The following PACS2 variants were observed in gnomAD, a reference collection of about 807,000 sequenced individuals.
PACS2 encodes PACS1-like protein.
A neutral mutation model predicts 113.0 loss-of-function variants in PACS2; 36 were observed. The ratio of observed to expected loss-of-function variants is 0.32; its 90% CI spans 0.24 to 0.42. PACS2 has a LOEUF of 0.42. Ranked by LOEUF, PACS2 falls within the 10% of genes least tolerant of loss-of-function variation. The pLI is 1.00. For missense variants in PACS2, 1,015 were observed against 1,239.5 expected (o/e 0.82, Z 2.72); for synonymous variants, 589 against 536.1 (o/e 1.10, Z -1.36).
rs1555415818 is a variant in PACS2, at chr14:105,394,056, A to AG, written c.2597-494dup. ...CCGCCTCAAAAAAAAAAAAAAAAAA[A>AG]GGGGTTTTGGAGAAGATACTCTGCA... On this transcript the variant is annotated intron_variant, in intron 24 of 24. Coordinates refer to ENST00000447393, the MANE Select transcript of PACS2 (RefSeq NM_001100913.3). Among the ~76,000 whole-genome samples the AG allele has an allele frequency of 1.7e-3, 246 of 144,692 alleles. 5 individuals carry two copies. Among genetic ancestry groups the AG allele is most frequent in the African/African-American group, 6.1e-3 (232 of 38,140 alleles). The allele number at this position is 144,692 out of a possible 152,430, so 94.9% of individuals were successfully genotyped here. A position where few individuals can be genotyped will look rare whatever the true frequency, so the allele number is the denominator to read the frequency against.
intron 4 of PACS2, among the ~76,000 whole-genome samples, chr14:105,362,157 G>A (rs957209284): frequency 6.6e-5 from 10 of 151,586 alleles, no homozygotes; most frequent in Non-Finnish European, 8.8e-5. Flanking sequence ...GGTGGCTCAC[G>A]CCTGTCATCC....
chr14:105,333,212 A>G (rs1050068518), intron 1 of PACS2, among the ~76,000 whole-genome samples: 1 of 152,026 alleles, frequency 6.6e-6, no homozygotes, highest in Non-Finnish European at 1.5e-5. Context: ...CTCCTGCTGC[A>G]TGTGCTCCTG....
intron 3 of PACS2, among the ~76,000 whole-genome samples, chr14:105,353,470 C>T (rs191019942): frequency 1.0e-3 from 159 of 152,092 alleles, no homozygotes; most frequent in South Asian, 4.8e-3. Flanking sequence ...GGGGTGAGAG[C>T]ATTTGTCTCA....
intron 11 of PACS2, 71 bp downstream of exon 11, chr14:105,380,225 C>T (rs2080933430): frequency 7.5e-6 from 10 of 1,329,604 alleles, no homozygotes; most frequent in Non-Finnish European, 1.0e-5. Context: ...AAGGGTCTGA[C>T]CTGGAGGGGC....
chr14:105,352,175 T>A (rs2060203789), intron 2 of PACS2, among the ~76,000 whole-genome samples: 2 of 152,168 alleles, frequency 1.3e-5, no homozygotes, highest in African/African-American at 4.8e-5. Context: ...GTGGAACCTG[T>A]GGGCCGAAGG....
At chr14:105,367,654 G>C (rs948676175) in intron 5 of PACS2, among the ~76,000 whole-genome samples, 1 of 152,260 alleles carries the variant, frequency 6.6e-6, no homozygotes, top group Non-Finnish European at 1.5e-5. Flanking sequence ...GTCGCACTGT[G>C]ATGCCCTTGC....
At chr14:105,342,477 C>T (rs2059769827) in intron 1 of PACS2, among the ~76,000 whole-genome samples, 1 of 151,868 alleles carries the variant, frequency 6.6e-6, no homozygotes, top group Admixed American at 6.5e-5. Context: ...CCATGTTGGC[C>T]AGGCTGGTCT....
chr14:105,349,824 A>G (rs1407596525), intron 2 of PACS2, among the ~76,000 whole-genome samples: 1 of 143,882 alleles, frequency 7.0e-6, no homozygotes, highest in African/African-American at 3.0e-5. Context: ...CAGGACCCCA[A>G]GAACTTCCAG....
intron 4 of PACS2, among the ~76,000 whole-genome samples, chr14:105,363,121 CACAG>C (rs1555407030): frequency 1.3e-5 from 2 of 152,162 alleles, no homozygotes; most frequent in Non-Finnish European, 2.9e-5. Context: ...ATTTTCAGAA[CACAG>C]ACAGTCGACT....
rs191893610 is a variant in PACS2 at position 105,304,527 on chromosome 14, G to A, written c.-83+3548G>A. 1.4e-4 allele frequency among the ~76,000 whole-genome samples: 21 copies of A among 152,072 alleles called. No individual in the cohort carries two copies. In the East Asian group the frequency reaches 2.9e-3, roughly 21 times the overall value. ...TAAAATAAAATAAAATATAAAAAAG[G>A]GTGAGGCTCTACTGGGCAATGGCCC... On this transcript the variant is annotated intron_variant, in intron 1 of 23. Transcript: ENST00000430725.
intron 4 of PACS2, among the ~76,000 whole-genome samples, chr14:105,364,173 G>A (rs1009584885): frequency 1.3e-5 from 2 of 152,352 alleles, no homozygotes; most frequent in Admixed American, 6.5e-5. Context: ...GAAAAGTGGC[G>A]CTGATAGACT....
chr14:105,364,168 G>C (rs1595706750), intron 4 of PACS2, among the ~76,000 whole-genome samples: 1 of 152,270 alleles, frequency 6.6e-6, no homozygotes, highest in Non-Finnish European at 1.5e-5. Context: ...TGTTGGAAAA[G>C]TGGCGCTGAT....
At chr14:105,307,981 G>C (rs1306599833) in intron 1 of PACS2, among the ~76,000 whole-genome samples, 3 of 152,080 alleles carry the variant, frequency 2.0e-5, no homozygotes, top group African/African-American at 4.8e-5. Context: ...CCAGGAGTTC[G>C]AGACCAGCCT....
chr14:105,331,633 G>A (rs896286855), intron 1 of PACS2, among the ~76,000 whole-genome samples: 1 of 152,314 alleles, frequency 6.6e-6, no homozygotes, highest in African/African-American at 2.4e-5. Context: ...CCTTTTAACT[G>A]TTACTGATTT....
chr14:105,362,387 A>G (rs1478042383), intron 4 of PACS2, among the ~76,000 whole-genome samples: 2 of 149,768 alleles, frequency 1.3e-5, no homozygotes, highest in Admixed American at 6.6e-5. Flanking sequence ...ACTGCACTCC[A>G]GCCTGGGCGA....
chr14:105,339,454 T>C (rs1297151912), intron 1 of PACS2, among the ~76,000 whole-genome samples: 1 of 149,306 alleles, frequency 6.7e-6, no homozygotes, highest in African/African-American at 2.5e-5. Flanking sequence ...TGCAGTGAGC[T>C]GAGATCATGC....
chr14:105,380,265 C>A, intron 11 of PACS2, 111 bp downstream of exon 11: 1 of 882,380 alleles, frequency 1.1e-6, no homozygotes, highest in Non-Finnish European at 1.8e-6. Flanking sequence ...TCATGTCACA[C>A]CTGGTGTGCA....
chr14:105,326,565 TG>T lies in PACS2; in HGVS notation c.119+11530del, dbSNP rs587642854. ...GCCGGTGCCTCTAGAAGGTGCTCCG[TG>T]GTGGGGCCCGGGAGGGTGGCCCTTC... On this transcript the variant is annotated intron_variant, in intron 1 of 24. Coordinates refer to ENST00000447393, the MANE Select transcript of PACS2 (RefSeq NM_001100913.3). Among the ~76,000 whole-genome samples the T allele has an allele frequency of 2.3e-4, 35 of 152,336 alleles. No individual in the cohort carries two copies. The South Asian group carries it at 7.0e-3, about 31-fold the overall frequency.
rs1462289133 is a variant in PACS2 at position 105,384,993 on chromosome 14, G to A, written c.2000+6G>A. 29 of 1,524,000 alleles carry A rather than the reference G, an allele frequency of 1.9e-5. No individual in the cohort carries two copies. The highest frequency in any genetic ancestry group is 1.3e-4 in the Admixed American group (7 of 52,534). The allele number at this position is 1,524,000 out of a possible 1,614,324, so 94.4% of individuals were successfully genotyped here. A position where few individuals can be genotyped will look rare whatever the true frequency, so the allele number is the denominator to read the frequency against. On this transcript the variant is annotated splice_donor_region_variant and intron_variant, in intron 18 of 24. Coordinates refer to ENST00000447393, the MANE Select transcript of PACS2 (RefSeq NM_001100913.3). The stretch of plus-strand genomic sequence containing the variant: ...CTGACCTACAAGCAGAAGAGGTAAC[G>A]CGGTGGGCCCAGGCACCATACCACA...
Sources: gnomAD v4.1 joint callset for allele counts (sites outside exome capture counted in the v4.1 genomes callset) on GRCh38, gnomAD v4.1.1 for gene constraint, MANE v1.5 for transcripts, NCBI Gene and HGNC (gene_info 2026-07-23, HGNC 2026-07-21) for gene names.